The following TANC1 variants were observed in gnomAD, a reference collection of about 807,000 sequenced individuals.
TANC1 encodes tetratricopeptide repeat, ankyrin repeat and coiled-coil containing 1.
A neutral mutation model predicts 149.7 loss-of-function variants in TANC1; 77 were observed. The ratio of observed to expected loss-of-function variants is 0.51; its 90% CI spans 0.43 to 0.62. TANC1 has a LOEUF of 0.62. Ranked by LOEUF, TANC1 falls within the 20% of genes least tolerant of loss-of-function variation. The pLI, the probability that TANC1 is intolerant of heterozygous loss-of-function variation, is 0.00. For missense variants in TANC1, 1,985 were observed against 2,321.8 expected, an observed-to-expected ratio of 0.85 and a Z score of 2.98; for synonymous variants, 854 against 925.0, an observed-to-expected ratio of 0.92 and a Z score of 1.39.
At chr2:159,163,621 G>A (rs2054276420) in intron 8 of TANC1, 75 bp downstream of exon 8, 1 of 1,523,898 alleles carries the variant, frequency 6.6e-7, no homozygotes, top group Non-Finnish European at 8.9e-7. Context: ...CTTCACATGG[G>A]AAGACACTCC....
At chr2:159,140,948 C>T (rs1295540914) in intron 5 of TANC1, among the ~76,000 whole-genome samples, 1 of 152,042 alleles carries the variant, frequency 6.6e-6, no homozygotes, top group African/African-American at 2.4e-5. Flanking sequence ...GCCTTGGCCT[C>T]CCAAAGTGCC....
chr2:159,167,339 A>T (rs1005330394), intron 8 of TANC1, among the ~76,000 whole-genome samples: 4 of 152,176 alleles, frequency 2.6e-5, no homozygotes. Context: ...AGCCTAGAAA[A>T]TGTTCCAAGC....
chr2:159,159,657 G>A (rs1281444093), intron 7 of TANC1, among the ~76,000 whole-genome samples: 7 of 150,562 alleles, frequency 4.6e-5, no homozygotes, highest in African/African-American at 1.5e-4. Context: ...AGAAGAATTG[G>A]TATTAGCTAT....
intron 4 of TANC1, among the ~76,000 whole-genome samples, chr2:159,108,368 A>T (rs540286219): frequency 7.9e-5 from 12 of 152,184 alleles, no homozygotes; most frequent in Non-Finnish European, 1.6e-4. Flanking sequence ...CCTGCAGTTA[A>T]TGATGACTGG....
rs1033477585 is a variant in TANC1, at chr2:159,001,182, A to C, written c.-23A>C. On this transcript the variant is annotated 5_prime_UTR_variant, in exon 2 of 27. Coordinates refer to ENST00000263635, the MANE Select transcript of TANC1 (RefSeq NM_033394.3). The surrounding 1 kb of genome is among the most constrained non-coding windows in gnomAD (Gnocchi z 4.3). ...TTTTCCTGGTGCATGTGAAGTTATC[A>C]AAAACAGGTAGGTGATGGCTGAGGA... is the stretch of plus-strand genomic sequence containing the variant. 1.3e-5 allele frequency: 2 copies of C among 152,544 alleles called. No homozygotes were observed. Among genetic ancestry groups the C allele is most frequent in the African/African-American group, 2.4e-5 (1 of 41,462 alleles). 9.4% of individuals were successfully genotyped at this position (152,544 alleles called of 1,614,324 possible).
chr2:159,222,184 G>C (rs1575351269), intron 22 of TANC1, among the ~76,000 whole-genome samples: 1 of 152,190 alleles, frequency 6.6e-6, no homozygotes, highest in Non-Finnish European at 1.5e-5. Context: ...CCCACATTGT[G>C]TAGTTTATCA....
At chr2:159,134,484 TTATTTATTTA>T (rs1357503750) in intron 4 of TANC1, among the ~76,000 whole-genome samples, 2 of 150,692 alleles carry the variant, frequency 1.3e-5, no homozygotes, top group African/African-American at 4.9e-5. Flanking sequence ...TTGTTTATTT[TTATTTATTTA>T]TTTTTTGAGA....
intron 2 of TANC1, among the ~76,000 whole-genome samples, chr2:159,048,443 G>T (rs11674716): frequency 2.0e-5 from 3 of 152,132 alleles, no homozygotes; most frequent in African/African-American, 7.2e-5. Flanking sequence ...CATGCTGCTC[G>T]CCCTCAGAGG....
chr2:159,161,280 C>T (rs1292265233), intron 7 of TANC1, among the ~76,000 whole-genome samples: 7 of 152,218 alleles, frequency 4.6e-5, no homozygotes, highest in Non-Finnish European at 7.3e-5. Context: ...TTTACAAATA[C>T]GTGCTTTCCA....
At chr2:159,044,395 G>A (rs1032835968) in intron 2 of TANC1, among the ~76,000 whole-genome samples, 16 of 152,054 alleles carry the variant, frequency 1.1e-4, no homozygotes, top group African/African-American at 2.9e-4. Context: ...CTCTGATGGC[G>A]CCACTGTACT....
At chr2:159,008,889 C>A (rs1331323565) in intron 2 of TANC1, among the ~76,000 whole-genome samples, 2 of 151,944 alleles carry the variant, frequency 1.3e-5, no homozygotes, top group Admixed American at 6.6e-5. Context: ...AATTCATTGG[C>A]CTTGCAACAT....
chr2:159,071,971 G>A (rs541312184), intron 3 of TANC1, among the ~76,000 whole-genome samples: 2 of 152,208 alleles, frequency 1.3e-5, no homozygotes, highest in Admixed American at 1.3e-4. Context: ...GGACTTCTGT[G>A]TTTTTTTGTT....
At chr2:159,195,854 A>G (rs1201696583) in intron 17 of TANC1, among the ~76,000 whole-genome samples, 1 of 152,216 alleles carries the variant, frequency 6.6e-6, no homozygotes, top group Non-Finnish European at 1.5e-5. Flanking sequence ...AAAGCCTCTG[A>G]ATGAGGGTAC....
chr2:159,151,398 G>T (rs1469310480), intron 7 of TANC1, among the ~76,000 whole-genome samples: 1 of 152,246 alleles, frequency 6.6e-6, no homozygotes, highest in Non-Finnish European at 1.5e-5. Context: ...GGAGGGGATT[G>T]TTCAGACCTT....
At chr2:159,037,888 G>A (rs181750493) in intron 2 of TANC1, among the ~76,000 whole-genome samples, 1 of 152,278 alleles carries the variant, frequency 6.6e-6, no homozygotes, top group East Asian at 1.9e-4. Flanking sequence ...CCAATTCTGT[G>A]AAGAAAGTCA....
intron 2 of TANC1, among the ~76,000 whole-genome samples, chr2:159,047,020 G>A (rs2041114705): frequency 6.6e-6 from 1 of 152,026 alleles, no homozygotes; most frequent in Admixed American, 6.5e-5. Flanking sequence ...AGTCTGCTCA[G>A]CCTTTTTGGG....
intron 2 of TANC1, among the ~76,000 whole-genome samples, chr2:159,053,682 G>A (rs2041636918): frequency 6.6e-6 from 1 of 152,172 alleles, no homozygotes. Flanking sequence ...CACAAGAAAT[G>A]AGGCAGTTTT....
At chr2:159,188,179 G>A (rs538642335) in intron 16 of TANC1, among the ~76,000 whole-genome samples, 3 of 152,326 alleles carry the variant, frequency 2.0e-5, no homozygotes, top group South Asian at 2.1e-4. Flanking sequence ...TTCAAGGGGG[G>A]AAAACGGTTT....
intron 19 of TANC1, among the ~76,000 whole-genome samples, chr2:159,206,112 T>A (rs1178735809): frequency 6.6e-6 from 1 of 152,104 alleles, no homozygotes; most frequent in Non-Finnish European, 1.5e-5. Flanking sequence ...AGCAACACGA[T>A]GGGGAGTAAG....
Sources: gnomAD v4.1 joint callset for allele counts (sites outside exome capture counted in the v4.1 genomes callset) on GRCh38, gnomAD v4.1.1 for gene constraint, Gnocchi (gnomAD v3.1) non-coding constraint, MANE v1.5 for transcripts, NCBI Gene and HGNC (gene_info 2026-07-23, HGNC 2026-07-21) for gene names.